SEMA4B: variants seen among roughly 807,000 people sequenced by gnomAD.
The protein encoded by SEMA4B is semaphorin-4B.
SEMA4B carries 55 observed loss-of-function variants against 88.1 expected under a neutral mutation model. That is an observed-to-expected ratio of 0.62 (90% confidence interval 0.50 to 0.78). The LOEUF is 0.78. SEMA4B is among the 30% of genes least tolerant of loss of function. The pLI, the probability that SEMA4B is intolerant of heterozygous loss-of-function variation, is 0.00. For synonymous variants in SEMA4B, 525 were observed against 473.6 expected, an observed-to-expected ratio of 1.11 and a Z score of -1.41; for missense variants, 1,062 against 1,111.9, an observed-to-expected ratio of 0.96 and a Z score of 0.64.
chr15:90,208,933 G>C (rs1961124961), intron 1 of SEMA4B, among the ~76,000 whole-genome samples: 1 of 151,856 alleles, frequency 6.6e-6, no homozygotes, highest in Admixed American at 6.6e-5. Context: ...GTAGAGACAG[G>C]GTTTCATCAT....
At chr15:90,219,931 C>A in intron 4 of SEMA4B, 40 bp downstream of exon 4, 1 of 1,472,542 alleles carries the variant, frequency 6.8e-7, no homozygotes, top group Non-Finnish European at 9.4e-7. Context: ...GACCTGGGAA[C>A]TGCCCCTCTT....
chr15:90,206,979 T>G, intron 1 of SEMA4B: 1 of 522,104 alleles, frequency 1.9e-6, no homozygotes, highest in Non-Finnish European at 3.4e-6. Flanking sequence ...GAAAATATCT[T>G]TGGCTCACAA....
At chr15:90,223,499 G>A (rs541031832) in intron 7 of SEMA4B, 60 bp from the exon 8 acceptor site, 19 of 1,459,162 alleles carry the variant, frequency 1.3e-5, no homozygotes, top group Admixed American at 4.7e-5. Context: ...GTCCTGTGCC[G>A]TGCATCCCCG....
chr15:90,200,792 G>A (rs577785553), upstream of SEMA4B, among the ~76,000 whole-genome samples: 1 of 152,326 alleles, frequency 6.6e-6, no homozygotes, highest in Non-Finnish European at 1.5e-5. Flanking sequence ...CAAGCCCGCA[G>A]GGTGCCTAGA....
intron 1 of SEMA4B, among the ~76,000 whole-genome samples, chr15:90,188,623 G>A (rs547112159): frequency 2.0e-5 from 3 of 151,406 alleles, no homozygotes; most frequent in Non-Finnish European, 4.4e-5. Context: ...ACAAGACTCC[G>A]TCTCAAAATA....
chr15:90,220,367 C>CTTTTTTTTTTTTT (rs1320090623), intron 4 of SEMA4B: 1 of 125,272 alleles, frequency 8.0e-6, no homozygotes, highest in Non-Finnish European at 1.6e-5. Flanking sequence ...TTTTTCTTTT[C>CTTTTTTTTTTTTT]TTTTTTTTTT....
At chr15:90,195,926 T>TTTTTTTTTTTC (rs1418016348) in intron 1 of SEMA4B, among the ~76,000 whole-genome samples, 6 of 111,454 alleles carry the variant, frequency 5.4e-5, no homozygotes, top group African/African-American at 7.9e-5. Flanking sequence ...GTACTTCTCT[T>TTTTTTTTTTTC]TTTTTTTTTT....
At chr15:90,185,121 C>G (rs990516455) in intron 1 of SEMA4B, 2 of 959,802 alleles carry the variant, frequency 2.1e-6, no homozygotes, top group Non-Finnish European at 2.5e-6. Flanking sequence ...GAGCCGCTGC[C>G]CGGGAGGTGG....
At chr15:90,189,299 C>T (rs948726297) in intron 1 of SEMA4B, among the ~76,000 whole-genome samples, 1 of 152,108 alleles carries the variant, frequency 6.6e-6, no homozygotes. Context: ...TGAGACAAAA[C>T]GTGGTTGATT....
At chr15:90,219,596 T>A (rs1417295648) in intron 3 of SEMA4B, 197 bp from the exon 4 acceptor site, 3 of 550,490 alleles carry the variant, frequency 5.4e-6, no homozygotes, top group Non-Finnish European at 9.6e-6. Flanking sequence ...GCCCCTGGGC[T>A]CCCTGCAGCA....
intron 1 of SEMA4B, among the ~76,000 whole-genome samples, chr15:90,195,119 A>C (rs113889325): frequency 0.065 from 9,483 of 146,714 alleles, 975 homozygotes; most frequent in African/African-American, 0.22. Context: ...GTTTTTTTTT[A>C]GACAGGGTCT....
At position 90,211,580 on chromosome 15, in the gene SEMA4B, A is replaced by T. The variant is rs892406421; in HGVS notation, c.158-5859A>T. Among the ~76,000 whole-genome samples, 4 of 152,112 alleles carry T rather than the reference A, an allele frequency of 2.6e-5. No homozygotes were observed. The East Asian group carries it at 7.7e-4, about 29-fold the overall frequency. Reference sequence around the variant, plus strand: ...CGGGCCGTGTGGAGGAAGGAAGTGCACCCAGGTTGGCAGTGTGTCCCAGTT... The same window carrying T: ...CGGGCCGTGTGGAGGAAGGAAGTGCTCCCAGGTTGGCAGTGTGTCCCAGTT... On this transcript the variant is annotated intron_variant, in intron 1 of 13. Coordinates refer to ENST00000411539, the MANE Select transcript of SEMA4B (RefSeq NM_198925.4).
chr15:90,197,472 C>T (rs562514045), upstream of SEMA4B, among the ~76,000 whole-genome samples: 1 of 151,956 alleles, frequency 6.6e-6, no homozygotes, highest in Non-Finnish European at 1.5e-5. Flanking sequence ...GAGTCTCGCT[C>T]TGTCCCCCAG....
In SEMA4B at chr15:90,194,241, T is replaced by TA. The variant is rs968626376; in HGVS notation, c.-121-7216dup. ...AGCTAGTTGTTCAGCCTATAAAAGATATTGATCAGGCCAGGCGTGGTGGCT... is the reference window on the plus strand; with the variant it reads ...AGCTAGTTGTTCAGCCTATAAAAGATAATTGATCAGGCCAGGCGTGGTGGCT... On this transcript the variant is annotated intron_variant, in intron 1 of 14. Coordinates refer to the SEMA4B transcript ENST00000332496. Among the ~76,000 whole-genome samples the TA allele has an allele frequency of 1.2e-3, 177 of 152,126 alleles. 1 individual carries two copies. The highest frequency in any genetic ancestry group is 4.0e-3 in the African/African-American group (168 of 41,512).
intron 1 of SEMA4B, among the ~76,000 whole-genome samples, chr15:90,190,065 G>A (rs1960300085): frequency 6.6e-6 from 1 of 152,222 alleles, no homozygotes; most frequent in African/African-American, 2.4e-5. Context: ...GCCAAGCTGG[G>A]GCTCACTCAG....
upstream of SEMA4B, among the ~76,000 whole-genome samples, chr15:90,197,930 A>T (rs181988165): frequency 4.7e-3 from 674 of 143,118 alleles, 10 homozygotes; most frequent in African/African-American, 0.017. Context: ...TAATTAATTA[A>T]TTTTTTTTTT....
intron 1 of SEMA4B, among the ~76,000 whole-genome samples, chr15:90,186,502 G>T (rs985015403): frequency 1.3e-5 from 2 of 151,900 alleles, no homozygotes; most frequent in African/African-American, 2.4e-5. Flanking sequence ...GCCTGTAATC[G>T]CAGCGACTTG....
upstream of SEMA4B, among the ~76,000 whole-genome samples, chr15:90,197,958 G>A (rs373126006): frequency 1.2e-4 from 18 of 146,256 alleles, no homozygotes; most frequent in South Asian, 6.5e-4. Context: ...ATGGAGTCTC[G>A]CTCTGTGGCC....
At chr15:90,227,353 G>A in intron 12 of SEMA4B, 1 of 584,070 alleles carries the variant, frequency 1.7e-6, no homozygotes, top group Non-Finnish European at 3.0e-6. Flanking sequence ...GGCCACTGAG[G>A]GTACATACTG....
Sources: gnomAD v4.1 joint callset for allele counts (sites outside exome capture counted in the v4.1 genomes callset) on GRCh38, gnomAD v4.1.1 for gene constraint, MANE v1.5 for transcripts, NCBI Gene and HGNC (gene_info 2026-07-23, HGNC 2026-07-21) for gene names.